ARHGAP19: variants seen among roughly 807,000 people sequenced by gnomAD.
The protein encoded by ARHGAP19 is rho GTPase-activating protein 19.
Under a neutral mutation model 60.9 loss-of-function variants are expected in ARHGAP19, and 48 were observed. The observed-to-expected ratio is 0.79, with a 90% CI of 0.62 to 1.00. The LOEUF is 1.00. Ranked by LOEUF, ARHGAP19 falls within the 50% of genes least tolerant of loss-of-function variation. The probability of loss-of-function intolerance (pLI) is 0.00; values close to 1 mark genes in which losing one functional copy is unlikely to be tolerated. For missense variants in ARHGAP19, 562 were observed against 597.2 expected (o/e 0.94, Z 0.61); for synonymous variants, 209 against 215.5 (o/e 0.97, Z 0.27).
Position 97,244,831 on chromosome 10 carries a change from G to C in ARHGAP19, c.994-672C>G, listed in dbSNP as rs530790159. On this transcript the variant is annotated intron_variant, in intron 7 of 11. Transcript: ENST00000358531. ...GTTTCTAACCAAGACAGGATGAACA[G>C]AACTTGAAAATTTTAAGCACTCAAA... is the stretch of plus-strand genomic sequence containing the variant. Among the ~76,000 whole-genome samples the C allele has an allele frequency of 7.4e-4, 110 of 149,484 alleles. 1 individual carries two copies. In the South Asian group the frequency reaches 0.023, roughly 31 times the overall value.
intron 8 of ARHGAP19, among the ~76,000 whole-genome samples, chr10:97,243,272 G>A (rs1842516018): frequency 6.6e-6 from 1 of 152,286 alleles, no homozygotes; most frequent in Admixed American, 6.5e-5. Flanking sequence ...AGTCCCAGTT[G>A]AATAAAAGTC....
intron 8 of ARHGAP19, among the ~76,000 whole-genome samples, chr10:97,241,013 T>C (rs11189056): frequency 0.028 from 4,290 of 152,248 alleles, 192 homozygotes; most frequent in African/African-American, 0.094. Context: ...ACAATAAAAT[T>C]ATAGTTTCTT....
At chr10:97,228,581 C>A (rs770326393) in intron 11 of ARHGAP19, among the ~76,000 whole-genome samples, 5 of 152,114 alleles carry the variant, frequency 3.3e-5, no homozygotes, top group Non-Finnish European at 7.4e-5. Context: ...TTCCATTGAC[C>A]CACTTGGCTC....
chr10:97,291,249 T>C (rs1843227659), intron 1 of ARHGAP19, among the ~76,000 whole-genome samples: 1 of 152,072 alleles, frequency 6.6e-6, no homozygotes, highest in South Asian at 2.1e-4. Flanking sequence ...TTTCACTCTA[T>C]GAAATCTTGC....
At chr10:97,256,176 T>TGG in intron 6 of ARHGAP19, 142 bp downstream of exon 6, 1 of 719,542 alleles carries the variant, frequency 1.4e-6, no homozygotes, top group Non-Finnish European at 2.5e-6. Context: ...TGTTACCCCC[T>TGG]GGGTTTTGCC....
intron 8 of ARHGAP19, among the ~76,000 whole-genome samples, chr10:97,237,226 G>A (rs941288069): frequency 8.0e-6 from 1 of 125,366 alleles, no homozygotes; most frequent in African/African-American, 2.9e-5. Flanking sequence ...GATCAATCAC[G>A]TCATTCCAGT....
At chr10:97,251,202 AG>A (rs1564717769) in intron 6 of ARHGAP19, among the ~76,000 whole-genome samples, 2 of 32,254 alleles carry the variant, frequency 6.2e-5, no homozygotes, top group Non-Finnish European at 5.6e-5. Context: ...GGAAGGGGAA[AG>A]GGAAGGGGAA....
chr10:97,228,020 T>A (rs1445364648), intron 11 of ARHGAP19, among the ~76,000 whole-genome samples: 1 of 152,260 alleles, frequency 6.6e-6, no homozygotes, highest in Non-Finnish European at 1.5e-5. Context: ...TGGTTTTGAT[T>A]CATGGACATA....
intron 9 of ARHGAP19, among the ~76,000 whole-genome samples, chr10:97,233,021 C>A (rs1203408075): frequency 6.6e-6 from 1 of 151,920 alleles, no homozygotes; most frequent in Admixed American, 6.6e-5. Context: ...TGGTGGTGGG[C>A]GCCTGTAATC....
chr10:97,288,561 C>G (rs965447328), intron 1 of ARHGAP19, among the ~76,000 whole-genome samples: 47 of 140,538 alleles, frequency 3.3e-4, no homozygotes, highest in African/African-American at 1.2e-3. Context: ...AGCCTGGTGA[C>G]AGAGCAAGAC....
intron 1 of ARHGAP19, among the ~76,000 whole-genome samples, chr10:97,286,507 G>A (rs1843157154): frequency 6.6e-6 from 1 of 152,250 alleles, no homozygotes; most frequent in Non-Finnish European, 1.5e-5. Context: ...CAGGAGAATT[G>A]TTTAAACCCA....
chr10:97,285,109 C>CCCGCCT (rs1384716099), intron 1 of ARHGAP19, among the ~76,000 whole-genome samples: 2 of 151,294 alleles, frequency 1.3e-5, no homozygotes, highest in Non-Finnish European at 2.9e-5. Flanking sequence ...AGGTGATCCG[C>CCCGCCT]CCGCCTCCGC....
chr10:97,270,534 A>G, intron 1 of ARHGAP19: 3 of 1,306,004 alleles, frequency 2.3e-6, no homozygotes, highest in Non-Finnish European at 2.1e-6. Flanking sequence ...AAGCAAAAAC[A>G]ACTTTCTACT....
At position 97,269,857 on chromosome 10, in the gene ARHGAP19, T is replaced by G. The variant is rs540325035; in HGVS notation, c.57-3732A>C. On this transcript the variant is annotated intron_variant, in intron 1 of 11. Transcript: ENST00000358531. ...CACATACATACCTAAAACTTACACTTTTATTAATATCCAGAGCAAAACTCA... is the reference window on the plus strand; with the variant it reads ...CACATACATACCTAAAACTTACACTGTTATTAATATCCAGAGCAAAACTCA... 1.4e-4 allele frequency among the ~76,000 whole-genome samples: 21 copies of G among 152,320 alleles called. No homozygotes were observed. In the South Asian group the frequency reaches 4.1e-3, roughly 30 times the overall value.
chr10:97,283,398 T>C (rs1843112789), intron 1 of ARHGAP19, among the ~76,000 whole-genome samples: 1 of 151,518 alleles, frequency 6.6e-6, no homozygotes. Context: ...CTACTAAAAA[T>C]ACAAAAATTA....
intron 4 of ARHGAP19, among the ~76,000 whole-genome samples, 160 bp downstream of exon 4, chr10:97,263,260 C>T (rs1237798231): frequency 6.6e-6 from 1 of 152,138 alleles, no homozygotes; most frequent in Non-Finnish European, 1.5e-5. Flanking sequence ...ACTTAACTAG[C>T]CAATACCTAT....
At chr10:97,265,522 T>G in intron 2 of ARHGAP19, 1 of 221,286 alleles carries the variant, frequency 4.5e-6, no homozygotes, top group Non-Finnish European at 8.9e-6. Context: ...AATTCAAGCA[T>G]TCTGTTCTAT....
intron 9 of ARHGAP19, among the ~76,000 whole-genome samples, chr10:97,231,067 A>C (rs1388468568): frequency 5.7e-4 from 25 of 43,650 alleles, no homozygotes; most frequent in Non-Finnish European, 1.4e-3. Flanking sequence ...ACCAAAAAAA[A>C]AAAAAAAAAA....
intron 1 of ARHGAP19, among the ~76,000 whole-genome samples, chr10:97,273,256 A>G (rs138379641): frequency 0.043 from 6,495 of 151,290 alleles, 207 homozygotes; most frequent in Non-Finnish European, 0.061. Flanking sequence ...TCCACCTCCC[A>G]GATTCAAGCA....
Sources: gnomAD v4.1 joint callset for allele counts (sites outside exome capture counted in the v4.1 genomes callset) on GRCh38, gnomAD v4.1.1 for gene constraint, MANE v1.5 for transcripts, NCBI Gene and HGNC (gene_info 2026-07-23, HGNC 2026-07-21) for gene names.